The following MGAT4A variants were observed in gnomAD, a reference collection of about 807,000 sequenced individuals.
The protein encoded by MGAT4A is N-acetylglucosaminyltransferase IVa.
In MGAT4A, 33 loss-of-function variants were observed where a neutral mutation model predicts 74.1. The observed-to-expected ratio is 0.45, with a 90% CI of 0.34 to 0.60. MGAT4A has a LOEUF of 0.60. MGAT4A is among the 20% of genes least tolerant of loss of function. MGAT4A has a pLI of 0.02. For missense variants in MGAT4A, 479 were observed against 628.3 expected, an observed-to-expected ratio of 0.76 and a Z score of 2.54; for synonymous variants, 198 against 210.4, an observed-to-expected ratio of 0.94 and a Z score of 0.51.
In MGAT4A at chr2:98,640,101, A is replaced by G; in HGVS notation, c.1128+20T>C. The G allele has an allele frequency of 1.9e-6, 3 of 1,586,530 alleles. No homozygotes were observed. The highest frequency in any genetic ancestry group is 2.6e-6 in the Non-Finnish European group (3 of 1,165,572). On this transcript the variant is annotated intron_variant, in intron 11 of 15. Coordinates refer to ENST00000393487, the MANE Select transcript of MGAT4A (RefSeq NM_012214.3). ...ATAACAAGTTGTATGTTCATGAGAA[A>G]ATAAAATTAAGTCACCAACCGTGAG...
intron 2 of MGAT4A, among the ~76,000 whole-genome samples, chr2:98,686,569 CAG>C (rs1327287987): frequency 6.6e-6 from 1 of 150,456 alleles, no homozygotes; most frequent in Non-Finnish European, 1.5e-5. Flanking sequence ...TTTCTGGAGA[CAG>C]AGTCTCGCTC....
At chr2:98,647,571 G>A (rs775861748) in intron 8 of MGAT4A, among the ~76,000 whole-genome samples, 2 of 152,094 alleles carry the variant, frequency 1.3e-5, no homozygotes, top group Admixed American at 6.5e-5. Context: ...CACCCGCCTC[G>A]GCCTCTCAAA....
Position 98,678,353 on chromosome 2 carries a change from A to C in MGAT4A, c.213T>G (p.Arg71=). Residue 71 remains arginine (R), a synonymous_variant, in exon 3 of 16, where the codon CGT becomes CGG. Transcript: ENST00000393487. ...ELNTIVQQFK[R]VGAETNGSKD... is the part of the protein sequence containing the mutation. ...TACTTCCATTTGTTTCTGCTCCTAC[A>C]CGCTTGAACTGTTGCACAATCGTAT... The C allele has an allele frequency of 1.3e-6, 2 of 1,498,148 alleles. No homozygotes were observed. The highest frequency in any genetic ancestry group is 1.8e-6 in the Non-Finnish European group (2 of 1,112,676). The allele number at this position is 1,498,148 out of a possible 1,614,324, so 92.8% of individuals were successfully genotyped here. A position where few individuals can be genotyped will look rare whatever the true frequency, so the allele number is the denominator to read the frequency against.
intron 3 of MGAT4A, among the ~76,000 whole-genome samples, chr2:98,675,640 A>G (rs1202689857): frequency 2.7e-5 from 4 of 150,250 alleles, no homozygotes; most frequent in Non-Finnish European, 4.4e-5. Flanking sequence ...TTGACCTCCC[A>G]GGCTCAAGAG....
chr2:98,652,871 C>T (rs1487114856), intron 8 of MGAT4A, among the ~76,000 whole-genome samples: 2 of 152,078 alleles, frequency 1.3e-5, no homozygotes, highest in African/African-American at 4.8e-5. Flanking sequence ...GTGACCTGCC[C>T]ACCTCAGCCT....
chr2:98,627,658 G>A (rs939441771), intron 14 of MGAT4A, among the ~76,000 whole-genome samples: 7 of 152,196 alleles, frequency 4.6e-5, no homozygotes, highest in Non-Finnish European at 8.8e-5. Flanking sequence ...TCACAAGCGT[G>A]AGCCACCATG....
At chr2:98,695,658 T>A (rs1253047067) in intron 2 of MGAT4A, among the ~76,000 whole-genome samples, 2 of 152,132 alleles carry the variant, frequency 1.3e-5, no homozygotes, top group Non-Finnish European at 2.9e-5. Flanking sequence ...ATTCCCTGAT[T>A]TGTGTTTGTC....
At position 98,700,875 on chromosome 2, in the gene MGAT4A, G is replaced by A. The variant is rs1702346617; in HGVS notation, c.95-22404C>T. 5.6e-5 allele frequency among the ~76,000 whole-genome samples: 8 copies of A among 143,986 alleles called. No individual in the cohort carries two copies. The South Asian group carries it at 1.7e-3, about 31-fold the overall frequency. The allele number at this position is 143,986 out of a possible 152,430, so 94.5% of individuals were successfully genotyped here. ...CACTACACTCCAGTCTGGGGAACAA[G>A]AGTAAGACTCTGTCTCAAAAAAAAA... is the stretch of plus-strand genomic sequence containing the variant. On this transcript the variant is annotated intron_variant, in intron 2 of 15. Coordinates refer to ENST00000393487, the MANE Select transcript of MGAT4A (RefSeq NM_012214.3).
chr2:98,661,418 G>C (rs1701748562), intron 5 of MGAT4A, among the ~76,000 whole-genome samples: 1 of 152,158 alleles, frequency 6.6e-6, no homozygotes, highest in South Asian at 2.1e-4. Flanking sequence ...ACTGGTGAGA[G>C]AAGCAGTTCA....
In MGAT4A at chr2:98,726,479, A is replaced by T. The variant is rs1702764165; in HGVS notation, c.-147T>A. 4 of 598,902 alleles carry T rather than the reference A, an allele frequency of 6.7e-6. No homozygotes were observed. The highest frequency in any genetic ancestry group is 1.2e-5 in the Non-Finnish European group (4 of 343,666). The allele number at this position is 598,902 out of a possible 1,614,324, so 37.1% of individuals were successfully genotyped here. On this transcript the variant is annotated 5_prime_UTR_variant, in exon 2 of 16. Coordinates refer to ENST00000393487, the MANE Select transcript of MGAT4A (RefSeq NM_012214.3). ...GAGAGGTTCATTTCAGATGATCTGC[A>T]GGAGGAGCCTAGCAGCAATGCTGTT...
At chr2:98,674,330 A>G (rs1259212932) in intron 4 of MGAT4A, among the ~76,000 whole-genome samples, 3 of 152,210 alleles carry the variant, frequency 2.0e-5, no homozygotes, top group African/African-American at 4.8e-5. Flanking sequence ...TAAAATCTAC[A>G]AAGAAAAGAT....
intron 7 of MGAT4A, 106 bp from the exon 8 acceptor site, chr2:98,655,626 A>ATGTGTG: frequency 2.8e-6 from 2 of 705,768 alleles, no homozygotes; most frequent in Non-Finnish European, 4.8e-6. Context: ...TCATCTATGT[A>ATGTGTG]TATGTGTACA....
At chr2:98,707,878 TA>T (rs1702461763) in intron 2 of MGAT4A, among the ~76,000 whole-genome samples, 1 of 152,190 alleles carries the variant, frequency 6.6e-6, no homozygotes, top group Non-Finnish European at 1.5e-5. Flanking sequence ...CTCTATGACT[TA>T]ATCCAAACAG....
Position 98,640,103 on chromosome 2 carries a change from T to C in MGAT4A, c.1128+18A>G, listed in dbSNP as rs1163804659. The C allele has an allele frequency of 1.9e-6, 3 of 1,588,214 alleles. No individual in the cohort carries two copies. Among genetic ancestry groups the C allele is most frequent in the Admixed American group, 3.6e-5 (2 of 55,144 alleles). On this transcript the variant is annotated intron_variant, in intron 11 of 15. Coordinates refer to ENST00000393487, the MANE Select transcript of MGAT4A (RefSeq NM_012214.3). ...AACAAGTTGTATGTTCATGAGAAAA[T>C]AAAATTAAGTCACCAACCGTGAGTT... is the stretch of plus-strand genomic sequence containing the variant.
At chr2:98,706,346 G>A (rs1006140848) in intron 2 of MGAT4A, among the ~76,000 whole-genome samples, 16 of 152,144 alleles carry the variant, frequency 1.1e-4, no homozygotes, top group African/African-American at 3.4e-4. Flanking sequence ...GTGTCCCTCC[G>A]CAGAAGTATC....
rs908529453 is a variant in MGAT4A at position 98,716,575 on chromosome 2, C to T, written c.94+9664G>A. Among the ~76,000 whole-genome samples the T allele has an allele frequency of 3.3e-5, 5 of 152,170 alleles. No homozygotes were observed. In the South Asian group the frequency reaches 6.2e-4, roughly 19 times the overall value. On this transcript the variant is annotated intron_variant, in intron 2 of 15. Coordinates refer to ENST00000393487, the MANE Select transcript of MGAT4A (RefSeq NM_012214.3). ...AGAGGTTGCGGTGAGCCAAGATTGTCGATTGCACCACTGCACTCCAGCCTG... is the reference window on the plus strand; with the variant it reads ...AGAGGTTGCGGTGAGCCAAGATTGTTGATTGCACCACTGCACTCCAGCCTG...
chr2:98,637,847 C>T (rs1358631086), intron 12 of MGAT4A, among the ~76,000 whole-genome samples: 2 of 152,126 alleles, frequency 1.3e-5, no homozygotes, highest in Non-Finnish European at 2.9e-5. Context: ...AAAAGTCCCC[C>T]GCACATTCAA....
chr2:98,656,581 A>G, intron 6 of MGAT4A, 116 bp from the exon 7 acceptor site: 1 of 648,402 alleles, frequency 1.5e-6, no homozygotes, highest in Non-Finnish European at 2.6e-6. Context: ...GCAACGTATA[A>G]TGTTATGGCC....
At chr2:98,726,123 A>G (rs1702759791) in intron 2 of MGAT4A, 116 bp downstream of exon 2, 2 of 628,438 alleles carry the variant, frequency 3.2e-6, no homozygotes, top group Admixed American at 6.0e-5. Context: ...AGAAACTGCC[A>G]GCAGATAGCA....
Sources: gnomAD v4.1 joint callset for allele counts (sites outside exome capture counted in the v4.1 genomes callset) on GRCh38, gnomAD v4.1.1 for gene constraint, MANE v1.5 for transcripts, NCBI Gene and HGNC (gene_info 2026-07-23, HGNC 2026-07-21) for gene names.